PUF60: variants seen among roughly 807,000 people sequenced by gnomAD.
The protein encoded by PUF60 is poly(U)-binding-splicing factor PUF60.
A neutral mutation model predicts 61.8 loss-of-function variants in PUF60; 10 were observed. The observed-to-expected ratio is 0.16, with a 90% CI of 0.10 to 0.27. The LOEUF is 0.27. Among genes scored for constraint, PUF60 ranks in the 10% least tolerant of loss-of-function variants. PUF60 has a pLI of 1.00. For missense variants in PUF60, 371 were observed against 754.0 expected (o/e 0.49, Z 5.95); for synonymous variants, 353 against 300.9 (o/e 1.17, Z -1.79).
In PUF60 at chr8:143,816,434, G is replaced by C. The variant is rs1294924356; in HGVS notation, c.*86C>G. 3.5e-6 allele frequency: 5 copies of C among 1,445,056 alleles called. No homozygotes were observed. The East Asian group carries it at 9.3e-5, about 27-fold the overall frequency. The allele number at this position is 1,445,056 out of a possible 1,614,324, so 89.5% of individuals were successfully genotyped here. On this transcript the variant is annotated 3_prime_UTR_variant, in exon 12 of 12. Transcript: ENST00000526683. The stretch of plus-strand genomic sequence containing the variant: ...CACTGTAGGCTGGGCTGGGCAGAGC[G>C]CGCCTGGCCCCGGGGACACCACTGT...
chr8:143,818,151 C>G lies in PUF60; in HGVS notation c.603+42G>C. The G allele has an allele frequency of 6.2e-7, 1 of 1,600,762 alleles. No individual in the cohort carries two copies. Among genetic ancestry groups the G allele is most frequent in the Non-Finnish European group, 8.5e-7 (1 of 1,174,306 alleles). On this transcript the variant is annotated intron_variant, in intron 7 of 11. Transcript: ENST00000526683. The surrounding 1 kb of genome is among the most constrained non-coding windows in gnomAD (Gnocchi z 7.9). ...CAAAAGGCTTCCGTGGAGGGGCAGCCCTGCACGCCTGCGGGATCGAGGCCT... is the reference window on the plus strand; with the variant it reads ...CAAAAGGCTTCCGTGGAGGGGCAGCGCTGCACGCCTGCGGGATCGAGGCCT...
In PUF60 at chr8:143,817,378, G is replaced by A; in HGVS notation, c.1097C>T (p.Thr366Ile). The change falls in exon 10 of 12, where the codon ACT becomes ATT. Residue 366 changes from threonine (T) to isoleucine (I), a missense_variant. Transcript: ENST00000526683. The surrounding 1 kb of genome is among the most constrained non-coding windows in gnomAD (Gnocchi z 7.4). The part of the protein sequence containing the change: ...PALTLAQPLG[T>I]LPQAVMAAQA... ...GGCAGCCATGACAGCCTGGGGCAAAGTGCCCAGGGGCTGGGCCAGGGTCAG... is the reference window on the plus strand; with the variant it reads ...GGCAGCCATGACAGCCTGGGGCAAAATGCCCAGGGGCTGGGCCAGGGTCAG... 1 of 1,593,582 alleles carries A rather than the reference G, an allele frequency of 6.3e-7. No homozygotes were observed. Among genetic ancestry groups the A allele is most frequent in the Non-Finnish European group, 8.5e-7 (1 of 1,174,320 alleles).
chr8:143,820,380 G>T, intron 5 of PUF60: 1 of 525,980 alleles, frequency 1.9e-6, no homozygotes, highest in Non-Finnish European at 3.4e-6. Flanking sequence ...GGGCGCAGAC[G>T]GGCCTGGTGC....
intron 2 of PUF60, chr8:143,822,583 G>A (rs1817147475): frequency 2.2e-6 from 1 of 456,632 alleles, no homozygotes; most frequent in Non-Finnish European, 4.4e-6. Flanking sequence ...CTGGCCCACT[G>A]GGAGAAGCCA....
intron 1 of PUF60, chr8:143,829,079 A>G (rs1463103061): frequency 1.9e-6 from 2 of 1,075,576 alleles, no homozygotes; most frequent in African/African-American, 3.4e-5. Context: ...TGGGGTCCGC[A>G]GGCCGGAAGC....
rs759998258 is a variant in PUF60, at chr8:143,817,002, G to T, written c.1288C>A (p.Arg430=). 3 of 1,607,064 alleles carry T rather than the reference G, an allele frequency of 1.9e-6. No individual in the cohort carries two copies. Among genetic ancestry groups the T allele is most frequent in the Non-Finnish European group, 2.5e-6 (3 of 1,176,962 alleles). Residue 430 remains arginine (R), a synonymous_variant, in exon 11 of 12, where the codon CGG becomes AGG. Coordinates refer to ENST00000526683, the MANE Select transcript of PUF60 (RefSeq NM_078480.3). The surrounding 1 kb of genome is among the most constrained non-coding windows in gnomAD (Gnocchi z 7.4). ...EEEELFPESE[R]PEMLSEQEHM... is the part of the protein sequence containing the mutation. The stretch of plus-strand genomic sequence containing the variant: ...TCCTGCTCGCTCAGCATCTCTGGCC[G>T]CTCTGACTCGGGAAACAGCTCCTCT...
intron 4 of PUF60, 129 bp from the exon 5 acceptor site, chr8:143,820,845 C>A: frequency 1.1e-6 from 1 of 883,776 alleles, no homozygotes. Context: ...TGCCTTCCCA[C>A]ACTGCCGGCC....
At chr8:143,824,839 A>C (rs1238376042) in intron 1 of PUF60, 6 of 194,304 alleles carry the variant, frequency 3.1e-5, no homozygotes, top group Non-Finnish European at 6.4e-5. Context: ...AGTGCCTTCC[A>C]CAGGCTCTGG....
intron 1 of PUF60, chr8:143,827,595 G>A: frequency 2.7e-6 from 1 of 375,342 alleles, no homozygotes. Context: ...AGGACGGTGG[G>A]AACAGATAAC....
rs932265855 is a variant in PUF60 at position 143,828,470 on chromosome 8, G to A, written c.24+810C>T. Among the ~76,000 whole-genome samples the A allele has an allele frequency of 2.4e-4, 37 of 152,232 alleles. 2 individuals carry two copies. The highest frequency in any genetic ancestry group is 2.4e-3 in the Admixed American group (37 of 15,286). ...CATCGTGCATGTGTTGTGTGCATGG[G>A]TGTTCTCCCTCTACGTTAATAACGC... On this transcript the variant is annotated intron_variant, in intron 1 of 11. Coordinates refer to ENST00000526683, the MANE Select transcript of PUF60 (RefSeq NM_078480.3).
chr8:143,818,172 G>T lies in PUF60; in HGVS notation c.603+21C>A. Reference sequence around the variant, plus strand: ...CAGCCCTGCACGCCTGCGGGATCGAGGCCTTGGCTCCCTGCCTCACCTTGA... The same window carrying T: ...CAGCCCTGCACGCCTGCGGGATCGATGCCTTGGCTCCCTGCCTCACCTTGA... On this transcript the variant is annotated intron_variant, in intron 7 of 11. Transcript: ENST00000526683. The surrounding 1 kb of genome is among the most constrained non-coding windows in gnomAD (Gnocchi z 7.9). 6.2e-7 allele frequency: 1 copy of T among 1,606,094 alleles called. No individual in the cohort carries two copies. Among genetic ancestry groups the T allele is most frequent in the Non-Finnish European group, 8.5e-7 (1 of 1,177,118 alleles).
In PUF60 at chr8:143,817,014, G is replaced by A. The variant is rs990685735; in HGVS notation, c.1276C>T (p.Pro426Ser). The change falls in exon 11 of 12, where the codon CCC becomes TCC. Residue 426 changes from proline to serine, a missense_variant. Around this residue, in one of 13 missense-constraint regions of PUF60, gnomAD observed 68 missense variants for 69.4 expected, o/e 0.98. Coordinates refer to ENST00000526683, the MANE Select transcript of PUF60 (RefSeq NM_078480.3). This position sits in a 1 kb window ranked among gnomAD's most constrained non-coding sequence, Gnocchi z 7.4. Reference protein sequence around the residue: ...KKEKEEEELFPESERPEMLSE... With the variant: ...KKEKEEEELFSESERPEMLSE... ...AGCATCTCTGGCCGCTCTGACTCGG[G>A]AAACAGCTCCTCTTCTTCCTTCTCC... 1.9e-6 allele frequency: 3 copies of A among 1,609,128 alleles called. No individual in the cohort carries two copies. The highest frequency in any genetic ancestry group is 2.5e-6 in the Non-Finnish European group (3 of 1,178,086).
Position 143,816,574 on chromosome 8 carries a change from C to T in PUF60, c.1626G>A (p.Val542=). Residue 542 remains valine, a synonymous_variant, in exon 12 of 12, where the codon GTG becomes GTA. Transcript: ENST00000526683. The stretch of plus-strand genomic sequence containing the variant: ...GCTCCTGGTCGTACACTTCAGCCAC[C>T]ACCTTGCGGCCAGCAAACCAGCGGC... The part of the protein sequence containing the change: ...LNGRWFAGRK[V]VAEVYDQERF... 2 of 1,613,660 alleles carry T rather than the reference C, an allele frequency of 1.2e-6. No homozygotes were observed. The highest frequency in any genetic ancestry group is 1.7e-6 in the Non-Finnish European group (2 of 1,179,868).
chr8:143,824,548 C>T, intron 1 of PUF60, 149 bp from the exon 2 acceptor site: 2 of 741,084 alleles, frequency 2.7e-6, no homozygotes, highest in South Asian at 3.4e-5. Flanking sequence ...CCAGCCCAAA[C>T]TGCCCTCTCT....
chr8:143,817,480 G>A lies in PUF60; in HGVS notation c.1009-14C>T, dbSNP rs1222018658. On this transcript the variant is annotated splice_polypyrimidine_tract_variant and intron_variant, in intron 9 of 11. Coordinates refer to ENST00000526683, the MANE Select transcript of PUF60 (RefSeq NM_078480.3). The surrounding 1 kb of genome is among the most constrained non-coding windows in gnomAD (Gnocchi z 7.4). Reference sequence around the variant, plus strand: ...GGCCACTGCTTCCTGCAACCCAAAAGGTCACCGTGCTCAGTCCCTGGTCTG... The same window carrying A: ...GGCCACTGCTTCCTGCAACCCAAAAAGTCACCGTGCTCAGTCCCTGGTCTG... The A allele has an allele frequency of 2.5e-6, 4 of 1,609,920 alleles. No homozygotes were observed. In the South Asian group the frequency reaches 4.4e-5, roughly 18 times the overall value.
rs1816701979 is a variant in PUF60, at chr8:143,818,968, G to A, written c.349-434C>T. On this transcript the variant is annotated intron_variant, in intron 5 of 11. Coordinates refer to ENST00000526683, the MANE Select transcript of PUF60 (RefSeq NM_078480.3). The surrounding 1 kb of genome is among the most constrained non-coding windows in gnomAD (Gnocchi z 7.9). The stretch of plus-strand genomic sequence containing the variant: ...AGCTGGAGGGACCCACTGGTTTGGT[G>A]GCCAGAAGAGAGGAGGTCAGAAGAC... The A allele has an allele frequency of 1.1e-5, 2 of 185,748 alleles. No homozygotes were observed. Among genetic ancestry groups the A allele is most frequent in the Middle Eastern group, 2.1e-3 (1 of 472 alleles). 11.5% of individuals were successfully genotyped at this position (185,748 alleles called of 1,614,324 possible).
At chr8:143,825,609 G>A (rs1220156684) in intron 1 of PUF60, among the ~76,000 whole-genome samples, 1 of 151,828 alleles carries the variant, frequency 6.6e-6, no homozygotes. Flanking sequence ...TGCAACCTCC[G>A]CCTCCTGGGA....
intron 5 of PUF60, 59 bp downstream of exon 5, chr8:143,820,606 GC>G: frequency 1.3e-6 from 2 of 1,545,576 alleles, no homozygotes; most frequent in Admixed American, 1.7e-5. Context: ...GGGCTGCACT[GC>G]CCCCCTCTAG....
chr8:143,823,578 TGTCCCA>T (rs1817271177), intron 2 of PUF60, among the ~76,000 whole-genome samples: 1 of 152,232 alleles, frequency 6.6e-6, no homozygotes, highest in African/African-American at 2.4e-5. Context: ...CTGCATACCA[TGTCCCA>T]GTCCCACCCC....
Sources: allele counts gnomAD v4.1 joint callset (sites outside exome capture counted in the v4.1 genomes callset), GRCh38; gene constraint gnomAD v4.1.1; regional missense constraint gnomAD v4.1.1; non-coding constraint Gnocchi (gnomAD v3.1); transcripts MANE v1.5; gene names NCBI Gene and HGNC (gene_info 2026-07-23, HGNC 2026-07-21).